UNC79: variants seen among roughly 807,000 people sequenced by gnomAD.
UNC79 encodes the protein protein unc-79 homolog.
A neutral mutation model predicts 283.1 loss-of-function variants in UNC79; 37 were observed. The observed-to-expected ratio is 0.13, with a 90% CI of 0.10 to 0.17. The LOEUF (loss-of-function observed/expected upper bound fraction) is 0.17, where lower values mean the gene tolerates loss of function less well. Among genes scored for constraint, UNC79 ranks in the 10% least tolerant of loss-of-function variants. The probability of loss-of-function intolerance (pLI) is 1.00; values close to 1 mark genes in which losing one functional copy is unlikely to be tolerated. For synonymous variants in UNC79, 1,107 were observed against 1,200.2 expected (o/e 0.92, Z 1.61); for missense variants, 2,272 against 3,211.1 (o/e 0.71, Z 7.07).
At chr14:93,370,449 C>G (rs1393287601) in intron 1 of UNC79, among the ~76,000 whole-genome samples, 1 of 152,294 alleles carries the variant, frequency 6.6e-6, no homozygotes, top group South Asian at 2.1e-4. Context: ...AGACTAGACA[C>G]AGCTGAAGAA....
exon 38 of UNC79, chr14:93,655,306 A>C: frequency 6.2e-7 from 1 of 1,614,184 alleles, no homozygotes; most frequent in East Asian, 2.2e-5. Flanking sequence ...TGCAACCTTC[A>C]TGGAAGCTTT....
intron 14 of UNC79, among the ~76,000 whole-genome samples, chr14:93,560,908 C>T (rs996539818): frequency 1.3e-5 from 2 of 151,894 alleles, no homozygotes; most frequent in Non-Finnish European, 2.9e-5. Context: ...GGGAGAGGCT[C>T]GATTTTCATG....
chr14:93,465,201 T>G (rs1486063716), intron 1 of UNC79, among the ~76,000 whole-genome samples: 1 of 152,178 alleles, frequency 6.6e-6, no homozygotes, highest in African/African-American at 2.4e-5. Context: ...GTCCACAATC[T>G]ATCGTATGTC....
chr14:93,685,460 C>T (rs373949943), intron 42 of UNC79, among the ~76,000 whole-genome samples: 1 of 152,178 alleles, frequency 6.6e-6, no homozygotes, highest in African/African-American at 2.4e-5. Flanking sequence ...AACTTTGGAA[C>T]GTACGAAATG....
chr14:93,609,916 AT>A (rs2066176336), intron 26 of UNC79, among the ~76,000 whole-genome samples: 2 of 152,254 alleles, frequency 1.3e-5, no homozygotes, highest in South Asian at 2.1e-4. Flanking sequence ...GGAGATTAAC[AT>A]TTTTTTATGC....
chr14:93,533,996 G>C lies in UNC79; in HGVS notation c.1122+1418G>C, dbSNP rs1007880236. On this transcript the variant is annotated intron_variant, in intron 11 of 48. Coordinates refer to ENST00000555664, the Ensembl canonical transcript of UNC79. ...CTTGGTAACTGATTCTCTTGATTCA[G>C]AGTCCTGTGAACTAAGAAGGAAAGT... Among the ~76,000 whole-genome samples, 6 of 152,182 alleles carry C rather than the reference G, an allele frequency of 3.9e-5. No homozygotes were observed. The East Asian group carries it at 5.8e-4, about 15-fold the overall frequency.
chr14:93,575,335 G>A, intron 17 of UNC79, 137 bp downstream of exon 17: 1 of 978,612 alleles, frequency 1.0e-6, no homozygotes, highest in South Asian at 1.6e-5. Flanking sequence ...CATCTTTTAA[G>A]TGCATTAAAT....
chr14:93,341,998 A>G (rs1352704456), intron 1 of UNC79, among the ~76,000 whole-genome samples: 1 of 152,130 alleles, frequency 6.6e-6, no homozygotes, highest in Non-Finnish European at 1.5e-5. Context: ...TTCCAGGTGC[A>G]TGGTGCAAGC....
At chr14:93,691,655 C>A in intron 45 of UNC79, 94 bp from the exon 49 acceptor site, 1 of 1,343,314 alleles carries the variant, frequency 7.4e-7, no homozygotes, top group South Asian at 1.2e-5. Context: ...TTCCCCTGTG[C>A]TCCCTGGCAA....
intron 33 of UNC79, among the ~76,000 whole-genome samples, chr14:93,641,893 A>T (rs2069072070): frequency 6.6e-6 from 1 of 152,154 alleles, no homozygotes; most frequent in African/African-American, 2.4e-5. Context: ...ATGGCAGTGA[A>T]TAAGTCTCAT....
intron 30 of UNC79, among the ~76,000 whole-genome samples, chr14:93,626,636 G>A (rs1273865311): frequency 6.6e-6 from 1 of 152,074 alleles, no homozygotes; most frequent in South Asian, 2.1e-4. Flanking sequence ...TTCTATTAAA[G>A]TTGTCTCTTC....
At chr14:93,646,230 T>A (rs900584990) in intron 34 of UNC79, among the ~76,000 whole-genome samples, 1 of 152,212 alleles carries the variant, frequency 6.6e-6, no homozygotes, top group Non-Finnish European at 1.5e-5. Flanking sequence ...CCACTTGTGG[T>A]TTGTTTATAG....
intron 24 of UNC79, 25 bp downstream of exon 24, chr14:93,597,565 C>A (rs1267457985): frequency 6.3e-7 from 1 of 1,599,252 alleles, no homozygotes; most frequent in East Asian, 2.2e-5. Context: ...GTGTTATCTG[C>A]TCCGAAGGTG....
chr14:93,582,755 T>C (rs1322459844), intron 20 of UNC79, among the ~76,000 whole-genome samples: 2 of 152,176 alleles, frequency 1.3e-5, no homozygotes, highest in Non-Finnish European at 2.9e-5. Context: ...TGCTGGCTCT[T>C]AGCTGGGACT....
chr14:93,365,002 G>A (rs2054299774), intron 1 of UNC79, among the ~76,000 whole-genome samples: 1 of 152,104 alleles, frequency 6.6e-6, no homozygotes, highest in Non-Finnish European at 1.5e-5. Flanking sequence ...AGAGGCTGAG[G>A]AGGGAAGATT....
At chr14:93,345,140 A>C (rs1352075636) in intron 1 of UNC79, among the ~76,000 whole-genome samples, 1 of 152,232 alleles carries the variant, frequency 6.6e-6, no homozygotes, top group Non-Finnish European at 1.5e-5. Flanking sequence ...TGTTGCTTCC[A>C]TCATACGAGG....
At chr14:93,497,427 T>G in intron 7 of UNC79, 141 bp downstream of exon 7, 1 of 1,231,184 alleles carries the variant, frequency 8.1e-7, no homozygotes, top group Non-Finnish European at 1.1e-6. Flanking sequence ...TTTCTGAAAC[T>G]AAGTGGTTTA....
intron 20 of UNC79, 88 bp downstream of exon 20, chr14:93,582,432 G>A (rs2063888164): frequency 2.6e-6 from 4 of 1,540,316 alleles, no homozygotes; most frequent in Non-Finnish European, 3.5e-6. Context: ...TATCGACTTG[G>A]GCAAATTCAG....
At chr14:93,477,719 A>G (rs1595570308) in exon 4 of UNC79, 1 of 1,611,802 alleles carries the variant, frequency 6.2e-7, no homozygotes, top group Non-Finnish European at 8.5e-7. Flanking sequence ...TTTTCTACCA[A>G]TGGCTATATG....
Sources: allele counts gnomAD v4.1 joint callset (sites outside exome capture counted in the v4.1 genomes callset), GRCh38; gene constraint gnomAD v4.1.1; transcripts MANE v1.5; gene names NCBI Gene and HGNC (gene_info 2026-07-23, HGNC 2026-07-21).